Variants in IMMP2L observed in about 807,000 individuals in gnomAD.
IMMP2L encodes mitochondrial inner membrane protease subunit 2.
In IMMP2L, 18 loss-of-function variants were observed where a neutral mutation model predicts 19.3. That is an observed-to-expected ratio of 0.93 (90% CI 0.64 to 1.38). The LOEUF is 1.38. Among genes scored for constraint, IMMP2L ranks in the 40% most tolerant of loss-of-function variants. The pLI, the probability that IMMP2L is intolerant of heterozygous loss-of-function variation, is 0.00. For synonymous variants in IMMP2L, 76 were observed against 73.0 expected, an observed-to-expected ratio of 1.04 and a Z score of -0.21; for missense variants, 233 against 218.2, an observed-to-expected ratio of 1.07 and a Z score of -0.43.
At chr7:111,048,238 C>CAAAAAAAAAAAAAAAAAGAAAAAAA (rs1792611918) in intron 3 of IMMP2L, among the ~76,000 whole-genome samples, 5 of 18,326 alleles carry the variant, frequency 2.7e-4, no homozygotes, top group East Asian at 2.7e-3. Flanking sequence ...GACTCTGTCT[C>CAAAAAAAAAAAAAAAAAGAAAAAAA]AAAAAAAAAA....
chr7:110,688,561 T>C (rs1361257616), intron 5 of IMMP2L, among the ~76,000 whole-genome samples: 2 of 151,908 alleles, frequency 1.3e-5, no homozygotes, highest in Admixed American at 1.3e-4. Flanking sequence ...AGTTATAAAA[T>C]AGGCTGAAAA....
At chr7:111,388,202 C>G (rs1260692683) in intron 3 of IMMP2L, among the ~76,000 whole-genome samples, 1 of 151,848 alleles carries the variant, frequency 6.6e-6, no homozygotes, top group Non-Finnish European at 1.5e-5. Flanking sequence ...GCACAGACAG[C>G]AAGACCGGGA....
intron 4 of IMMP2L, among the ~76,000 whole-genome samples, chr7:110,899,812 C>T (rs193089289): frequency 6.6e-6 from 1 of 152,262 alleles, no homozygotes; most frequent in East Asian, 1.9e-4. Context: ...AAACATAAAG[C>T]TCACATAAAA....
chr7:111,089,871 G>GTGT (rs1554512996), intron 3 of IMMP2L, among the ~76,000 whole-genome samples: 68 of 151,446 alleles, frequency 4.5e-4, no homozygotes, highest in African/African-American at 1.6e-3. Flanking sequence ...ATTTTTCCTG[G>GTGT]TATTATTATT....
intron 3 of IMMP2L, among the ~76,000 whole-genome samples, chr7:111,322,917 A>C (rs949012800): frequency 6.6e-6 from 1 of 151,854 alleles, no homozygotes; most frequent in Non-Finnish European, 1.5e-5. Flanking sequence ...ATAGCATTAA[A>C]TACTTACATA....
intron 3 of IMMP2L, among the ~76,000 whole-genome samples, chr7:111,273,785 A>G (rs976603415): frequency 6.6e-6 from 1 of 152,148 alleles, no homozygotes; most frequent in African/African-American, 2.4e-5. Context: ...TCTGGAATTA[A>G]TAATTATGTT....
At position 111,537,341 on chromosome 7, in the gene IMMP2L, C is replaced by G. The variant is rs1847973790; in HGVS notation, c.-2-15892G>C. Reference sequence around the variant, plus strand: ...TCAGAGAATGACTCTATCATCCAAACAGCTGCCCAAAGGTCAACATGGTAG... The same window carrying G: ...TCAGAGAATGACTCTATCATCCAAAGAGCTGCCCAAAGGTCAACATGGTAG... On this transcript the variant is annotated intron_variant, in intron 1 of 5. Coordinates refer to ENST00000405709, the MANE Select transcript of IMMP2L (RefSeq NM_032549.4). Among the ~76,000 whole-genome samples the G allele has an allele frequency of 1.3e-5, 2 of 152,040 alleles. 1 individual carries two copies. The highest frequency in any genetic ancestry group is 4.2e-4 in the South Asian group (2 of 4,810).
intron 5 of IMMP2L, among the ~76,000 whole-genome samples, chr7:110,810,888 G>T (rs1165370907): frequency 1.3e-5 from 2 of 152,006 alleles, no homozygotes; most frequent in African/African-American, 4.8e-5. Context: ...GCCATGACTT[G>T]ACATCATAAA....
intron 3 of IMMP2L, among the ~76,000 whole-genome samples, chr7:111,144,419 A>G (rs1803253850): frequency 6.6e-6 from 1 of 152,152 alleles, no homozygotes; most frequent in Admixed American, 6.6e-5. Context: ...TGGGAGTCAC[A>G]TATATTTGGA....
intron 3 of IMMP2L, among the ~76,000 whole-genome samples, chr7:111,051,513 CTCTT>C (rs2129572964): frequency 6.6e-6 from 1 of 152,288 alleles, no homozygotes; most frequent in South Asian, 2.1e-4. Context: ...TTGATAAAAA[CTCTT>C]TATAAACAGA....
intron 3 of IMMP2L, among the ~76,000 whole-genome samples, chr7:111,184,551 T>C (rs1808058688): frequency 6.6e-6 from 1 of 152,096 alleles, no homozygotes; most frequent in Non-Finnish European, 1.5e-5. Context: ...TCACTACTAC[T>C]TAGAGATCAT....
intron 3 of IMMP2L, among the ~76,000 whole-genome samples, chr7:111,427,471 G>C (rs947780738): frequency 3.3e-5 from 5 of 151,634 alleles, no homozygotes; most frequent in African/African-American, 1.2e-4. Flanking sequence ...AAAATAAATA[G>C]AAAACCTGAT....
intron 3 of IMMP2L, among the ~76,000 whole-genome samples, chr7:111,109,612 C>A (rs1264355494): frequency 1.3e-5 from 2 of 152,168 alleles, no homozygotes; most frequent in Non-Finnish European, 2.9e-5. Context: ...ACTGATAATG[C>A]CCCTTCAACT....
intron 4 of IMMP2L, among the ~76,000 whole-genome samples, chr7:110,937,591 T>A (rs939808610): frequency 2.0e-5 from 3 of 152,186 alleles, no homozygotes; most frequent in African/African-American, 7.2e-5. Context: ...ATTTTTGAGT[T>A]AAAAGATGGC....
chr7:111,445,849 C>T lies in IMMP2L; in HGVS notation c.239+41389G>A, dbSNP rs535747670. 3.1e-4 allele frequency among the ~76,000 whole-genome samples: 47 copies of T among 152,216 alleles called. 1 individual carries two copies. Among genetic ancestry groups the T allele is most frequent in the African/African-American group, 9.1e-4 (38 of 41,560 alleles). On this transcript the variant is annotated intron_variant, in intron 3 of 5. Transcript: ENST00000405709. Reference sequence around the variant, plus strand: ...CAGTGGGCGCAGGCCAGTGGGTGCGCGCACCGTGCGTGAGCCGAAGCAGGG... The same window carrying T: ...CAGTGGGCGCAGGCCAGTGGGTGCGTGCACCGTGCGTGAGCCGAAGCAGGG...
At chr7:111,235,227 T>A (rs1263328895) in intron 3 of IMMP2L, among the ~76,000 whole-genome samples, 1 of 152,100 alleles carries the variant, frequency 6.6e-6, no homozygotes, top group African/African-American at 2.4e-5. Flanking sequence ...ATACCAGCAC[T>A]TTGGGAGGCT....
intron 5 of IMMP2L, among the ~76,000 whole-genome samples, chr7:110,741,639 T>G (rs1262612637): frequency 6.6e-6 from 1 of 152,220 alleles, no homozygotes; most frequent in African/African-American, 2.4e-5. Context: ...CTATTGTTTA[T>G]GAATTACCTA....
At chr7:110,784,083 T>C (rs1799914271) in intron 5 of IMMP2L, among the ~76,000 whole-genome samples, 1 of 151,950 alleles carries the variant, frequency 6.6e-6, no homozygotes, top group Non-Finnish European at 1.5e-5. Flanking sequence ...TACTCTCCAA[T>C]TTGCCCTTCC....
At position 111,209,157 on chromosome 7, in the gene IMMP2L, T is replaced by C. The variant is rs188266901; in HGVS notation, c.240-245592A>G. ...CTGTAATCCCAGCACTTTGGGAGGC[T>C]GAGGCGGGTGGATCACGATCACGAG... On this transcript the variant is annotated intron_variant, in intron 3 of 5. Transcript: ENST00000405709. Among the ~76,000 whole-genome samples the C allele has an allele frequency of 2.0e-5, 3 of 152,260 alleles. No homozygotes were observed. In the East Asian group the frequency reaches 5.8e-4, roughly 29 times the overall value.
Sources: gnomAD v4.1 joint callset for allele counts (sites outside exome capture counted in the v4.1 genomes callset) on GRCh38, gnomAD v4.1.1 for gene constraint, MANE v1.5 for transcripts, NCBI Gene and HGNC (gene_info 2026-07-23, HGNC 2026-07-21) for gene names.